Variants in XKR9 observed in about 807,000 individuals in gnomAD.
The protein encoded by XKR9 is XK related 9.
XKR9 carries 32 observed loss-of-function variants against 32.0 expected under a neutral mutation model. The observed-to-expected ratio is 1.00, with a 90% confidence interval of 0.76 to 1.34. The LOEUF (loss-of-function observed/expected upper bound fraction) is 1.34, where lower values mean the gene tolerates loss of function less well. Ranked by LOEUF, XKR9 falls within the 40% of genes most tolerant of loss-of-function variation. The probability of loss-of-function intolerance (pLI) is 0.00; values close to 1 mark genes in which losing one functional copy is unlikely to be tolerated. For synonymous variants in XKR9, 168 were observed against 143.4 expected (o/e 1.17, Z -1.22); for missense variants, 546 against 429.7 (o/e 1.27, Z -2.39).
At chr8:70,780,732 G>T (rs1000601549) in intron 2 of XKR9, among the ~76,000 whole-genome samples, 1 of 152,168 alleles carries the variant, frequency 6.6e-6, no homozygotes, top group Middle Eastern at 3.4e-3. Context: ...TATTATGGAA[G>T]TCCCAGAAAA....
chr8:71,065,157 G>T, the XKR9 span, among the ~76,000 whole-genome samples: 2 of 152,090 alleles, frequency 1.3e-5, no homozygotes, highest in Admixed American at 6.5e-5. Flanking sequence ...AAACATAGGG[G>T]GTGTGATGTG....
At chr8:71,050,923 T>A in the XKR9 span, among the ~76,000 whole-genome samples, 1 of 152,162 alleles carries the variant, frequency 6.6e-6, no homozygotes, top group African/African-American at 2.4e-5. Context: ...AGATTTCTTA[T>A]TTAAAAACAT....
chr8:70,891,255 C>T, the XKR9 span, among the ~76,000 whole-genome samples: 1 of 151,246 alleles, frequency 6.6e-6, no homozygotes, highest in Non-Finnish European at 1.5e-5. Context: ...CTTTTTGTTT[C>T]ATTGATCTTT....
At chr8:70,742,741 C>G (rs961838637) in intron 2 of XKR9, among the ~76,000 whole-genome samples, 2 of 151,954 alleles carry the variant, frequency 1.3e-5, no homozygotes, top group African/African-American at 4.8e-5. Flanking sequence ...TGTCTGGTCT[C>G]CATTGTTTCT....
intron 2 of XKR9, among the ~76,000 whole-genome samples, chr8:70,763,252 C>G (rs17688183): frequency 0.073 from 11,043 of 152,248 alleles, 475 homozygotes; most frequent in Non-Finnish European, 0.089. Flanking sequence ...CACTCTACTT[C>G]AGAAGCATGA....
the XKR9 span, among the ~76,000 whole-genome samples, chr8:70,942,440 C>A: frequency 3.3e-5 from 5 of 152,008 alleles, no homozygotes; most frequent in Admixed American, 3.3e-4. Flanking sequence ...GCCTTGGTAA[C>A]CAAAAAACAG....
chr8:70,823,781 G>C, the XKR9 span, among the ~76,000 whole-genome samples: 1 of 152,148 alleles, frequency 6.6e-6, no homozygotes, highest in Non-Finnish European at 1.5e-5. Context: ...CAAGGTGTCA[G>C]GGTGGGGGAA....
rs76233370 is a variant in XKR9 at position 70,758,926 on chromosome 8, G to A, written n.353-30413G>A. On this transcript the variant is annotated intron_variant and non_coding_transcript_variant, in intron 2 of 3. Coordinates refer to the XKR9 transcript ENST00000520273. ...TTTAGAGGCAGTCTCTAATGTGCTG[G>A]CCTGTGTTACTTGTGACCGTTTAGG... Among the ~76,000 whole-genome samples, 4 of 152,302 alleles carry A rather than the reference G, an allele frequency of 2.6e-5. No individual in the cohort carries two copies. In the East Asian group the frequency reaches 5.8e-4, roughly 22 times the overall value.
chr8:70,833,712 A>G, the XKR9 span, among the ~76,000 whole-genome samples: 7 of 152,300 alleles, frequency 4.6e-5, no homozygotes, highest in African/African-American at 1.2e-4. Flanking sequence ...CCTGGCATCT[A>G]TATTTTAAAA....
At chr8:70,707,366 T>A (rs960309234) in intron 4 of XKR9, among the ~76,000 whole-genome samples, 4 of 152,068 alleles carry the variant, frequency 2.6e-5, no homozygotes, top group Non-Finnish European at 4.4e-5. Context: ...TTGTTAGTTA[T>A]TTGATGATTC....
chr8:71,002,690 G>T, the XKR9 span, among the ~76,000 whole-genome samples: 1 of 152,144 alleles, frequency 6.6e-6, no homozygotes, highest in Non-Finnish European at 1.5e-5. Context: ...TGAAAATGCT[G>T]AAACTCATGC....
intron 3 of XKR9, among the ~76,000 whole-genome samples, chr8:70,703,307 T>A (rs1805603809): frequency 6.6e-6 from 1 of 152,126 alleles, no homozygotes; most frequent in Admixed American, 6.5e-5. Flanking sequence ...AGTCTTAGTC[T>A]AGTGAGGTCT....
intron 4 of XKR9, among the ~76,000 whole-genome samples, chr8:70,722,528 A>G (rs912826584): frequency 8.5e-5 from 13 of 152,176 alleles, no homozygotes; most frequent in African/African-American, 3.1e-4. Context: ...CTTGTCTGTA[A>G]AGAATTTTAT....
At chr8:71,027,370 T>C in the XKR9 span, among the ~76,000 whole-genome samples, 5 of 148,006 alleles carry the variant, frequency 3.4e-5, no homozygotes, top group Admixed American at 6.8e-5. Flanking sequence ...AAAATATATA[T>C]TTTAGATAAT....
intron 4 of XKR9, among the ~76,000 whole-genome samples, chr8:70,720,586 C>T (rs1331241885): frequency 3.9e-5 from 6 of 151,926 alleles, no homozygotes; most frequent in East Asian, 3.9e-4. Context: ...GTTCTGTTTA[C>T]GTGACTAATT....
At chr8:70,970,921 A>C in the XKR9 span, among the ~76,000 whole-genome samples, 4 of 152,230 alleles carry the variant, frequency 2.6e-5, no homozygotes, top group Admixed American at 6.5e-5. Flanking sequence ...CTAGAACTAG[A>C]AATACCATTT....
chr8:70,931,089 A>G, the XKR9 span, among the ~76,000 whole-genome samples: 1 of 152,162 alleles, frequency 6.6e-6, no homozygotes, highest in Non-Finnish European at 1.5e-5. Flanking sequence ...TCTTGTTTAA[A>G]TAAATATCCA....
the XKR9 span, among the ~76,000 whole-genome samples, chr8:70,883,340 G>A: frequency 3.9e-5 from 6 of 152,030 alleles, no homozygotes; most frequent in East Asian, 9.7e-4. Context: ...GTATTCCTTG[G>A]TGTATATATA....
the XKR9 span, among the ~76,000 whole-genome samples, chr8:70,963,086 C>T: frequency 6.6e-6 from 1 of 152,052 alleles, no homozygotes; most frequent in South Asian, 2.1e-4. Flanking sequence ...GGTATTAAAC[C>T]CTTAACTATT....
Sources: gnomAD v4.1 joint callset for allele counts (sites outside exome capture counted in the v4.1 genomes callset) on GRCh38, gnomAD v4.1.1 for gene constraint, MANE v1.5 for transcripts, NCBI Gene and HGNC (gene_info 2026-07-23, HGNC 2026-07-21) for gene names.